Variants in PKHD1 observed in about 807,000 individuals in gnomAD.
The protein encoded by PKHD1 is PKHD1 ciliary IPT domain containing fibrocystin/polyductin, also known as fibrocystin.
Under a neutral mutation model 412.0 loss-of-function variants are expected in PKHD1, and 291 were observed. That is an observed-to-expected ratio of 0.71 (90% CI 0.64 to 0.78). PKHD1 has a LOEUF of 0.78. Ranked by LOEUF, PKHD1 falls within the 30% of genes least tolerant of loss-of-function variation. The pLI, the probability that PKHD1 is intolerant of heterozygous loss-of-function variation, is 0.00. For synonymous variants in PKHD1, 1,777 were observed against 1,821.5 expected (o/e 0.98, Z 0.62); for missense variants, 4,825 against 4,950.7 (o/e 0.97, Z 0.76).
chr6:51,938,869 T>G (rs1352874226), intron 36 of PKHD1, among the ~76,000 whole-genome samples: 1 of 151,490 alleles, frequency 6.6e-6, no homozygotes, highest in Admixed American at 6.6e-5. Context: ...CCTCTCTCAC[T>G]ATCCCTCAAC....
intron 46 of PKHD1, 104 bp downstream of exon 46, chr6:51,882,989 C>G: frequency 1.2e-6 from 1 of 845,646 alleles, no homozygotes; most frequent in Non-Finnish European, 2.0e-6. Flanking sequence ...ATGAGATTCA[C>G]TAAAGAATGC....
rs974957771 is a variant in PKHD1, at chr6:51,775,896, C to T, written c.8466G>A (p.Lys2822=). The T allele has an allele frequency of 3.8e-6, 6 of 1,583,686 alleles. No homozygotes were observed. In the African/African-American group the frequency reaches 5.4e-5, roughly 14 times the overall value. Residue 2822 remains lysine, a synonymous_variant, in exon 54 of 67, where the codon AAG becomes AAA. Coordinates refer to ENST00000371117, the MANE Select transcript of PKHD1 (RefSeq NM_138694.4). The part of the protein sequence containing the change: ...KVGTLENPLE[K]EQKLLILLRA... Reference sequence around the variant, plus strand: ...TAAGGAGAATCAGAAGCTTTTGTTCCTTTTCTAAGGGATTTTCTAAAGTAC... The same window carrying T: ...TAAGGAGAATCAGAAGCTTTTGTTCTTTTTCTAAGGGATTTTCTAAAGTAC...
intron 52 of PKHD1, among the ~76,000 whole-genome samples, chr6:51,815,356 C>A (rs999068766): frequency 3.9e-5 from 6 of 151,900 alleles, no homozygotes; most frequent in African/African-American, 9.7e-5. Flanking sequence ...AGGAACCCAG[C>A]GGAAGGAGAA....
intron 35 of PKHD1, among the ~76,000 whole-genome samples, chr6:51,966,389 CT>C (rs1473308104): frequency 6.6e-6 from 1 of 152,140 alleles, no homozygotes; most frequent in Non-Finnish European, 1.5e-5. Flanking sequence ...GCAATCAGAT[CT>C]GCATCTATCT....
intron 55 of PKHD1, among the ~76,000 whole-genome samples, chr6:51,766,305 G>A (rs970879396): frequency 3.9e-5 from 6 of 152,190 alleles, no homozygotes; most frequent in African/African-American, 1.4e-4. Context: ...TTGCTGTGCT[G>A]TATGTCCTTC....
At chr6:51,624,116 A>G (rs997053582) in intron 66 of PKHD1, among the ~76,000 whole-genome samples, 1 of 151,948 alleles carries the variant, frequency 6.6e-6, no homozygotes, top group African/African-American at 2.4e-5. Context: ...AGTGCAGTGG[A>G]TATTTTCATA....
chr6:51,766,565 T>G (rs1252395246), intron 55 of PKHD1, among the ~76,000 whole-genome samples: 3 of 151,626 alleles, frequency 2.0e-5, no homozygotes, highest in African/African-American at 7.3e-5. Context: ...TGTATTTTTT[T>G]TGTGGCTTAC....
In PKHD1 at chr6:52,028,411, T is replaced by C; in HGVS notation, c.3365-60A>G. ...TGGGGTTTGTGGGCTCAACCATCTA[T>C]TCAATTCTAAAACTGTCTTTTTGGA... On this transcript the variant is annotated intron_variant, in intron 29 of 66. Transcript: ENST00000371117. 2.0e-6 allele frequency: 3 copies of C among 1,487,226 alleles called. No individual in the cohort carries two copies. The South Asian group carries it at 3.4e-5, about 17-fold the overall frequency. 92.1% of individuals were successfully genotyped at this position (1,487,226 alleles called of 1,614,324 possible). A position where few individuals can be genotyped will look rare whatever the true frequency, so the allele number is the denominator to read the frequency against.
At chr6:51,814,618 C>A (rs893963469) in intron 52 of PKHD1, among the ~76,000 whole-genome samples, 1 of 152,066 alleles carries the variant, frequency 6.6e-6, no homozygotes, top group Non-Finnish European at 1.5e-5. Context: ...GGCAGTAAAT[C>A]CCCAGAGAGC....
At chr6:51,965,042 C>A (rs1237895086) in intron 35 of PKHD1, among the ~76,000 whole-genome samples, 1 of 152,110 alleles carries the variant, frequency 6.6e-6, no homozygotes, top group African/African-American at 2.4e-5. Flanking sequence ...CCAATTAATA[C>A]TCTTGGCTAT....
intron 34 of PKHD1, 37 bp downstream of exon 34, chr6:52,017,373 T>C (rs746902318): frequency 2.1e-6 from 3 of 1,421,134 alleles, no homozygotes; most frequent in Non-Finnish European, 3.0e-6. Flanking sequence ...GGCCAAGCAT[T>C]TGTGGGGAAG....
intron 60 of PKHD1, chr6:51,722,166 C>A: frequency 7.3e-7 from 1 of 1,379,112 alleles, no homozygotes; most frequent in Non-Finnish European, 1.0e-6. Context: ...TTTACTCATG[C>A]CCGCCCTCAG....
chr6:51,680,453 G>T (rs966322956), intron 60 of PKHD1, among the ~76,000 whole-genome samples: 2 of 151,926 alleles, frequency 1.3e-5, no homozygotes, highest in African/African-American at 4.8e-5. Flanking sequence ...TTCTCATATT[G>T]CACAGAAGTA....
chr6:52,078,305 G>A (rs1480529825), intron 5 of PKHD1, among the ~76,000 whole-genome samples: 1 of 152,126 alleles, frequency 6.6e-6, no homozygotes, highest in Non-Finnish European at 1.5e-5. Context: ...AAATTAATGA[G>A]CTTCCAAATC....
In PKHD1 at chr6:52,033,133, C is replaced by A. The variant is rs752468749; in HGVS notation, c.3261G>T (p.Val1087=). The A allele has an allele frequency of 2.5e-6, 4 of 1,612,364 alleles. No homozygotes were observed. In the South Asian group the frequency reaches 4.4e-5, roughly 18 times the overall value. The change falls in exon 29 of 67, where the codon GTG becomes GTT. Residue 1087 remains valine, a synonymous_variant. Transcript: ENST00000371117. ...GKDGRIVNVT[V]IRGDYSAVLP... ...GAACTGCAGAATAGTCCCCTCTGAT[C>A]ACAGTCACATTCACAATGCGTCCAT...
At chr6:51,839,284 T>C (rs1182391513) in intron 50 of PKHD1, among the ~76,000 whole-genome samples, 2 of 152,226 alleles carry the variant, frequency 1.3e-5, no homozygotes, top group African/African-American at 4.8e-5. Context: ...GTTTTCTCAG[T>C]GCTTATGATT....
intron 48 of PKHD1, among the ~76,000 whole-genome samples, chr6:51,858,302 A>T (rs922608913): frequency 6.6e-6 from 1 of 152,208 alleles, no homozygotes; most frequent in African/African-American, 2.4e-5. Flanking sequence ...GCGCTCAGTC[A>T]TCATGGCTCT....
chr6:51,900,522 A>C (rs1583277833), intron 43 of PKHD1, among the ~76,000 whole-genome samples: 1 of 152,250 alleles, frequency 6.6e-6, no homozygotes, highest in East Asian at 1.9e-4. Flanking sequence ...AAATCAATTC[A>C]AGATGGATTA....
At chr6:52,066,975 T>A (rs1809827620) in intron 11 of PKHD1, among the ~76,000 whole-genome samples, 1 of 152,182 alleles carries the variant, frequency 6.6e-6, no homozygotes. Flanking sequence ...AGAATTTAGC[T>A]TTATCTCATT....
Sources: gnomAD v4.1 joint callset for allele counts (sites outside exome capture counted in the v4.1 genomes callset) on GRCh38, gnomAD v4.1.1 for gene constraint, MANE v1.5 for transcripts, NCBI Gene and HGNC (gene_info 2026-07-23, HGNC 2026-07-21) for gene names.